The following TCF20 variants were observed in gnomAD, a reference collection of about 807,000 sequenced individuals.
The protein encoded by TCF20 is transcription factor 20.
In TCF20, 3 loss-of-function variants were observed where a neutral mutation model predicts 148.6. The ratio of observed to expected loss-of-function variants is 0.02; its 90% confidence interval spans 0.01 to 0.05. TCF20 has a LOEUF of 0.05. Among genes scored for constraint, TCF20 ranks in the 10% least tolerant of loss-of-function variants. The pLI is 1.00. For missense variants in TCF20, 2,350 were observed against 2,429.3 expected, an observed-to-expected ratio of 0.97 and a Z score of 0.69; for synonymous variants, 1,049 against 909.5, an observed-to-expected ratio of 1.15 and a Z score of -2.76.
At chr22:42,237,300 T>C (rs1923974613) in intron 1 of TCF20, among the ~76,000 whole-genome samples, 1 of 152,224 alleles carries the variant, frequency 6.6e-6, no homozygotes, top group Non-Finnish European at 1.5e-5. Context: ...AATAAATCAC[T>C]TTCTTTGCTC....
chr22:42,245,849 A>G (rs1924858062), intron 1 of TCF20, among the ~76,000 whole-genome samples: 1 of 152,156 alleles, frequency 6.6e-6, no homozygotes, highest in South Asian at 2.1e-4. Flanking sequence ...CCTCGCCTCA[A>G]GCAATCCTCC....
At chr22:42,327,551 G>A (rs560504221) in intron 1 of TCF20, among the ~76,000 whole-genome samples, 4 of 152,208 alleles carry the variant, frequency 2.6e-5, no homozygotes, top group South Asian at 4.2e-4. Context: ...AGGGCACCTC[G>A]CACAGACACT....
At chr22:42,298,526 C>A (rs967351876) in intron 1 of TCF20, among the ~76,000 whole-genome samples, 1 of 152,226 alleles carries the variant, frequency 6.6e-6, no homozygotes, top group Admixed American at 6.5e-5. Context: ...CTGCCCAGAA[C>A]CCCGAAGCAG....
chr22:42,203,244 TCTCAAACTCCTGGG>T (rs1938162043), intron 2 of TCF20, among the ~76,000 whole-genome samples: 1 of 152,124 alleles, frequency 6.6e-6, no homozygotes, highest in Non-Finnish European at 1.5e-5. Context: ...CCCAGGCTGG[TCTCAAACTCCTGGG>T]CTCAGGTAAT....
intron 1 of TCF20, among the ~76,000 whole-genome samples, chr22:42,305,917 CA>C (rs1174909090): frequency 3.9e-5 from 6 of 152,214 alleles, no homozygotes; most frequent in Admixed American, 1.3e-4. Flanking sequence ...CCGTGGAGGG[CA>C]GGGGTGCTCC....
chr22:42,315,231 C>A (rs1488534921), intron 1 of TCF20, among the ~76,000 whole-genome samples: 1 of 152,096 alleles, frequency 6.6e-6, no homozygotes, highest in Non-Finnish European at 1.5e-5. Context: ...CTAATGGGGG[C>A]CTGAAGCAAT....
At chr22:42,174,473 G>T (rs1936318051) in intron 3 of TCF20, among the ~76,000 whole-genome samples, 1 of 152,190 alleles carries the variant, frequency 6.6e-6, no homozygotes, top group South Asian at 2.1e-4. Context: ...ACACCCTAAT[G>T]TGTCCCTGAA....
chr22:42,193,932 A>C (rs1937469144), intron 2 of TCF20, among the ~76,000 whole-genome samples: 1 of 152,180 alleles, frequency 6.6e-6, no homozygotes, highest in Non-Finnish European at 1.5e-5. Context: ...TGGTTCTATC[A>C]CATGACTTTT....
intron 3 of TCF20, among the ~76,000 whole-genome samples, chr22:42,173,736 GTCA>G (rs796471887): frequency 3.9e-5 from 6 of 152,176 alleles, no homozygotes; most frequent in African/African-American, 1.4e-4. Context: ...TGTGACTTGG[GTCA>G]TCAAAAAGAC....
chr22:42,224,999 ACTTT>A (rs1922737968), intron 1 of TCF20, among the ~76,000 whole-genome samples: 1 of 98,798 alleles, frequency 1.0e-5, no homozygotes, highest in Non-Finnish European at 2.1e-5. Context: ...GGAAATAATC[ACTTT>A]TTTTTTTTTT....
intron 3 of TCF20, among the ~76,000 whole-genome samples, chr22:42,173,658 T>G (rs187888018): frequency 2.0e-5 from 3 of 152,312 alleles, no homozygotes; most frequent in African/African-American, 7.2e-5. Flanking sequence ...AGAGAGCAAT[T>G]TCCAAGAAGA....
chr22:42,256,472 G>GT (rs59215167), intron 1 of TCF20, among the ~76,000 whole-genome samples: 2,780 of 138,884 alleles, frequency 0.02, 28 homozygotes, highest in Admixed American at 0.042. Flanking sequence ...ATGTAGCAAA[G>GT]TTTTTTTTTT....
intron 1 of TCF20, among the ~76,000 whole-genome samples, chr22:42,227,094 C>G (rs2147265158): frequency 6.6e-6 from 1 of 152,254 alleles, no homozygotes; most frequent in Non-Finnish European, 1.5e-5. Flanking sequence ...ACCAGCCTGG[C>G]CATTACAGTG....
At chr22:42,178,975 A>G (rs1646501710) in intron 3 of TCF20, among the ~76,000 whole-genome samples, 1 of 151,994 alleles carries the variant, frequency 6.6e-6, no homozygotes, top group Non-Finnish European at 1.5e-5. Context: ...ATTAGCCATC[A>G]GGGAAATACA....
intron 1 of TCF20, among the ~76,000 whole-genome samples, chr22:42,309,609 C>A (rs568996052): frequency 4.5e-4 from 69 of 152,098 alleles, no homozygotes; most frequent in African/African-American, 1.6e-3. Flanking sequence ...GTGCCCGTGG[C>A]CCTCCACACC....
chr22:42,215,299 A>G lies in TCF20; in HGVS notation c.7T>C (p.Ser3Pro). 1 of 1,612,120 alleles carries G rather than the reference A, an allele frequency of 6.2e-7. No homozygotes were observed. The highest frequency in any genetic ancestry group is 2.2e-5 in the East Asian group (1 of 44,846). MQ[S>P]FREQSSYHGN... is the part of the protein sequence containing the mutation. The stretch of plus-strand genomic sequence containing the variant: ...TGGTAACTGCTTTGCTCCCGAAAGG[A>G]CTGCATACTGTTCAGCAGCACAGCA... The change falls in exon 2 of 6, where the codon TCC (serine) becomes CCC (proline). Residue 3 changes from serine to proline, a missense_variant. Coordinates refer to ENST00000677622, the MANE Select transcript of TCF20 (RefSeq NM_001378418.1).
At chr22:42,205,099 G>T (rs544293700) in intron 2 of TCF20, among the ~76,000 whole-genome samples, 13 of 152,260 alleles carry the variant, frequency 8.5e-5, no homozygotes, top group African/African-American at 3.1e-4. Context: ...TGTCTCAAAG[G>T]TGATTTGTAC....
intron 1 of TCF20, among the ~76,000 whole-genome samples, chr22:42,312,677 G>C (rs1249480373): frequency 6.6e-6 from 1 of 152,110 alleles, no homozygotes; most frequent in Non-Finnish European, 1.5e-5. Flanking sequence ...CAATCCCATT[G>C]CTGTCAGGTC....
rs1458083049 is a variant in TCF20 at position 42,161,286 on chromosome 22, G to T, written c.*117C>A. On this transcript the variant is annotated 3_prime_UTR_variant, in exon 6 of 6. Transcript: ENST00000677622. ...GGCGGGGCGGGGCGGGGCAGGGCAGGGTGTGGCTGCACGGTAGGACGATTT... is the reference window on the plus strand; with the variant it reads ...GGCGGGGCGGGGCGGGGCAGGGCAGTGTGTGGCTGCACGGTAGGACGATTT... 2.5e-6 allele frequency: 4 copies of T among 1,611,934 alleles called. No individual in the cohort carries two copies. The East Asian group carries it at 6.7e-5, about 27-fold the overall frequency.
Sources: gnomAD v4.1 joint callset for allele counts (sites outside exome capture counted in the v4.1 genomes callset) on GRCh38, gnomAD v4.1.1 for gene constraint, MANE v1.5 for transcripts, NCBI Gene and HGNC (gene_info 2026-07-23, HGNC 2026-07-21) for gene names.